FOXP2: variants seen among roughly 807,000 people sequenced by gnomAD.
FOXP2 encodes the protein forkhead box protein P2.
FOXP2 carries 12 observed loss-of-function variants against 115.8 expected under a neutral mutation model. The observed-to-expected ratio is 0.10, with a 90% CI of 0.07 to 0.17. FOXP2 has a LOEUF of 0.17. Ranked by LOEUF, FOXP2 falls within the 10% of genes least tolerant of loss-of-function variation. The probability of loss-of-function intolerance (pLI) is 1.00; values close to 1 mark genes in which losing one functional copy is unlikely to be tolerated. For missense variants in FOXP2, 629 were observed against 843.5 expected (o/e 0.75, Z 3.15); for synonymous variants, 328 against 297.7 (o/e 1.10, Z -1.05).
chr7:114,189,764 C>T (rs1793708513), intron 1 of FOXP2, among the ~76,000 whole-genome samples: 1 of 152,126 alleles, frequency 6.6e-6, no homozygotes, highest in South Asian at 2.1e-4. Context: ...TTACCATATT[C>T]CTTTTATTCT....
chr7:114,164,874 C>T lies in FOXP2; in HGVS notation c.-102+1786C>T, dbSNP rs1047881058. Among the ~76,000 whole-genome samples, 15 of 152,162 alleles carry T rather than the reference C, an allele frequency of 9.9e-5. No homozygotes were observed. In the South Asian group the frequency reaches 1.0e-3, roughly 11 times the overall value. Reference sequence around the variant, plus strand: ...AGAAAAATCTTGGTGACCCTCTGCTCTACAGAAATAAGAATGAACAAATTA... The same window carrying T: ...AGAAAAATCTTGGTGACCCTCTGCTTTACAGAAATAAGAATGAACAAATTA... On this transcript the variant is annotated intron_variant, in intron 1 of 17. Transcript: ENST00000634411.
chr7:114,633,786 G>A (rs1429888702), intron 6 of FOXP2, among the ~76,000 whole-genome samples: 1 of 152,122 alleles, frequency 6.6e-6, no homozygotes, highest in Non-Finnish European at 1.5e-5. Flanking sequence ...AAAAAGTAAA[G>A]AAATATTTGT....
intron 2 of FOXP2, among the ~76,000 whole-genome samples, chr7:114,470,938 G>T (rs935675892): frequency 3.3e-5 from 5 of 152,086 alleles, no homozygotes; most frequent in African/African-American, 1.2e-4. Flanking sequence ...TAACCCTGGG[G>T]TGTCTTTCTG....
chr7:114,306,885 A>G (rs1797026952), intron 2 of FOXP2, among the ~76,000 whole-genome samples: 2 of 152,058 alleles, frequency 1.3e-5, no homozygotes, highest in South Asian at 2.1e-4. Flanking sequence ...CTAACATCAC[A>G]TAACTCTGAC....
At chr7:114,328,762 C>G (rs1325257574) in intron 2 of FOXP2, among the ~76,000 whole-genome samples, 1 of 152,164 alleles carries the variant, frequency 6.6e-6, no homozygotes, top group Non-Finnish European at 1.5e-5. Context: ...TCCTTGTTTA[C>G]ATGACTTCCT....
rs201343293 is a variant in FOXP2 at position 114,658,233 on chromosome 7, A to T, written c.1434A>T (p.Arg478=). The T allele has an allele frequency of 3.0e-5, 49 of 1,613,844 alleles. No individual in the cohort carries two copies. The Admixed American group carries it at 5.8e-4, about 19-fold the overall frequency. The change falls in exon 11 of 17, where the codon CGA becomes CGT. Residue 478 remains arginine, a synonymous_variant. Transcript: ENST00000350908. ...SVPNVGAIRR[R]HSDKYNIPMS... ...CCAATGTGGGAGCCATACGAAGGCG[A>T]CATTCAGACAAATACAACATTCCCA...
At chr7:114,446,621 C>T (rs774959017) in intron 2 of FOXP2, among the ~76,000 whole-genome samples, 3 of 151,850 alleles carry the variant, frequency 2.0e-5, no homozygotes, top group Non-Finnish European at 4.4e-5. Context: ...TTAAAACCCA[C>T]CTCCCATTAA....
Position 114,659,608 on chromosome 7 carries a change from A to C in FOXP2, c.1582A>C (p.Asn528His). ...MESSDRQLTL[N>H]EIYSWFTRTF... Reference sequence around the variant, plus strand: ...GTCATCTGACAGGCAGTTAACACTTAATGAAATTTACAGCTGGTTTACACG... The same window carrying C: ...GTCATCTGACAGGCAGTTAACACTTCATGAAATTTACAGCTGGTTTACACG... Residue 528 changes from asparagine (N) to histidine (H), a missense_variant, in exon 13 of 17, where the codon AAT (asparagine) becomes CAT (histidine). Coordinates refer to ENST00000350908, the MANE Select transcript of FOXP2 (RefSeq NM_014491.4). 6.2e-7 allele frequency: 1 copy of C among 1,613,682 alleles called. No homozygotes were observed.
chr7:114,601,951 A>G (rs1169315428), intron 3 of FOXP2, among the ~76,000 whole-genome samples: 12 of 152,086 alleles, frequency 7.9e-5, no homozygotes, highest in Non-Finnish European at 1.8e-4. Flanking sequence ...TATATATATA[A>G]TGTAAAGATC....
chr7:114,614,566 GACCGC>G (rs1803824274), intron 3 of FOXP2, among the ~76,000 whole-genome samples: 1 of 151,932 alleles, frequency 6.6e-6, no homozygotes, highest in African/African-American at 2.4e-5. Flanking sequence ...TTGTTAGGTG[GACCGC>G]ACCTCCTTCA....
chr7:114,661,123 G>T (rs1024848875), intron 13 of FOXP2, among the ~76,000 whole-genome samples: 2 of 148,682 alleles, frequency 1.3e-5, no homozygotes, highest in Non-Finnish European at 3.0e-5. Flanking sequence ...CAAATAGAAA[G>T]AAATCTTCAT....
chr7:114,554,664 A>G (rs1800372146), intron 3 of FOXP2, among the ~76,000 whole-genome samples: 1 of 152,162 alleles, frequency 6.6e-6, no homozygotes, highest in Non-Finnish European at 1.5e-5. Context: ...ATCTCCTAAC[A>G]TATTTTCTAA....
chr7:114,136,941 G>A (rs971919574), intron 1 of FOXP2, among the ~76,000 whole-genome samples: 1 of 151,890 alleles, frequency 6.6e-6, no homozygotes, highest in Non-Finnish European at 1.5e-5. Flanking sequence ...CCTAACAGCT[G>A]ACTGATATTT....
At chr7:114,115,217 C>T (rs978826183) in intron 1 of FOXP2, among the ~76,000 whole-genome samples, 2 of 151,808 alleles carry the variant, frequency 1.3e-5, no homozygotes, top group Admixed American at 1.3e-4. Flanking sequence ...TTTTTTTCTT[C>T]TGTATCTGTG....
chr7:114,112,405 C>T (rs1198557524), intron 1 of FOXP2, among the ~76,000 whole-genome samples: 1 of 152,084 alleles, frequency 6.6e-6, no homozygotes, highest in Non-Finnish European at 1.5e-5. Flanking sequence ...TCAAGCAATT[C>T]TCCAGCCTCA....
chr7:114,519,736 T>C (rs1051751978), intron 2 of FOXP2, among the ~76,000 whole-genome samples: 3 of 152,258 alleles, frequency 2.0e-5, no homozygotes, highest in Non-Finnish European at 4.4e-5. Flanking sequence ...ATCTCCCTTC[T>C]ATGGAATAGG....
At chr7:114,552,017 T>C (rs1313899602) in intron 3 of FOXP2, among the ~76,000 whole-genome samples, 1 of 152,222 alleles carries the variant, frequency 6.6e-6, no homozygotes, top group African/African-American at 2.4e-5. Context: ...CTATGAAGAA[T>C]TGAAATTCAC....
intron 2 of FOXP2, among the ~76,000 whole-genome samples, chr7:114,520,097 G>T (rs1178232737): frequency 1.3e-5 from 2 of 152,004 alleles, no homozygotes; most frequent in Non-Finnish European, 2.9e-5. Context: ...TTTATCACAG[G>T]ATAAGTTACC....
chr7:114,176,877 G>A (rs1793330826), intron 1 of FOXP2, among the ~76,000 whole-genome samples: 1 of 151,914 alleles, frequency 6.6e-6, no homozygotes, highest in African/African-American at 2.4e-5. Context: ...TTACCCCAGG[G>A]TAACCATATT....
Sources: allele counts gnomAD v4.1 joint callset (sites outside exome capture counted in the v4.1 genomes callset), GRCh38; gene constraint gnomAD v4.1.1; transcripts MANE v1.5; gene names NCBI Gene and HGNC (gene_info 2026-07-23, HGNC 2026-07-21).